DNAH14: variants seen among roughly 807,000 people sequenced by gnomAD.
The protein encoded by DNAH14 is axonemal beta dynein heavy chain 14.
DNAH14 carries 478 observed loss-of-function variants against 520.9 expected under a neutral mutation model. That is an observed-to-expected ratio of 0.92 (90% CI 0.85 to 0.99). The LOEUF (loss-of-function observed/expected upper bound fraction) is 0.99. DNAH14 is among the 50% of genes least tolerant of loss of function. DNAH14 has a pLI of 0.00. For synonymous variants in DNAH14, 1,581 were observed against 1,757.2 expected, an observed-to-expected ratio of 0.90 and a Z score of 2.51; for missense variants, 4,831 against 5,234.5, an observed-to-expected ratio of 0.92 and a Z score of 2.38.
At chr1:225,282,363 G>A (rs964147317) in intron 54 of DNAH14, among the ~76,000 whole-genome samples, 2 of 152,170 alleles carry the variant, frequency 1.3e-5, no homozygotes, top group East Asian at 1.9e-4. Context: ...CGCATTTTAA[G>A]GGAATCTTTA....
At chr1:225,004,816 C>T (rs1288867068) in intron 9 of DNAH14, among the ~76,000 whole-genome samples, 1 of 151,958 alleles carries the variant, frequency 6.6e-6, no homozygotes, top group Non-Finnish European at 1.5e-5. Context: ...AGACTGACAA[C>T]GAGGATGTAA....
At chr1:225,117,059 G>C (rs1023396863) in intron 23 of DNAH14, among the ~76,000 whole-genome samples, 2 of 152,062 alleles carry the variant, frequency 1.3e-5, no homozygotes, top group Non-Finnish European at 2.9e-5. Flanking sequence ...GCAAGGGAGA[G>C]ATTGAAGTTA....
intron 77 of DNAH14, among the ~76,000 whole-genome samples, chr1:225,372,291 G>T (rs1347350896): frequency 6.6e-6 from 1 of 152,112 alleles, no homozygotes; most frequent in Non-Finnish European, 1.5e-5. Context: ...GTACAAAAAA[G>T]AAAAATCCTG....
intron 37 of DNAH14, among the ~76,000 whole-genome samples, chr1:225,191,436 A>T (rs1408003509): frequency 1.3e-5 from 2 of 151,958 alleles, no homozygotes; most frequent in African/African-American, 4.8e-5. Flanking sequence ...ATGAGAATTG[A>T]CTTTTAATTT....
intron 17 of DNAH14, among the ~76,000 whole-genome samples, chr1:225,058,468 T>G (rs187832752): frequency 3.2e-4 from 48 of 152,334 alleles, no homozygotes; most frequent in Admixed American, 6.5e-4. Flanking sequence ...TTGTTGATCT[T>G]TTCAAAAAAC....
rs539787583 is a variant in DNAH14 at position 225,023,983 on chromosome 1, A to G, written c.1358+118A>G. ...AGTTTGAAAATTCTCCTTGTGGCAG[A>G]GTACATGTACTCATTTTTGCTATTA... On this transcript the variant is annotated intron_variant, in intron 11 of 85. Coordinates refer to ENST00000682510, the MANE Select transcript of DNAH14 (RefSeq NM_001367479.1). 1.5e-4 allele frequency: 213 copies of G among 1,433,198 alleles called. 1 individual carries two copies. The African/African-American group carries it at 2.7e-3, about 18-fold the overall frequency. 88.8% of individuals were successfully genotyped at this position (1,433,198 alleles called of 1,614,324 possible).
At position 225,101,188 on chromosome 1, in the gene DNAH14, A is replaced by G. The variant is rs912207859; in HGVS notation, c.3867+304A>G. Among the ~76,000 whole-genome samples, 3 of 151,780 alleles carry G rather than the reference A, an allele frequency of 2.0e-5. No homozygotes were observed. The East Asian group carries it at 5.8e-4, about 29-fold the overall frequency. On this transcript the variant is annotated intron_variant, in intron 23 of 85. Coordinates refer to ENST00000682510, the MANE Select transcript of DNAH14 (RefSeq NM_001367479.1). ...TTTAATATAAGAAATGACTTCTTTCAGGAGGTTAATACTTTTTTAAAATAT... is the reference window on the plus strand; with the variant it reads ...TTTAATATAAGAAATGACTTCTTTCGGGAGGTTAATACTTTTTTAAAATAT...
chr1:225,113,174 A>G (rs2076607544), intron 23 of DNAH14, among the ~76,000 whole-genome samples: 1 of 152,234 alleles, frequency 6.6e-6, no homozygotes, highest in Non-Finnish European at 1.5e-5. Flanking sequence ...GTTATTGCTC[A>G]CTGCAGCTGT....
At chr1:225,147,558 A>G (rs1227401448) in intron 31 of DNAH14, among the ~76,000 whole-genome samples, 1 of 152,142 alleles carries the variant, frequency 6.6e-6, no homozygotes, top group Non-Finnish European at 1.5e-5. Flanking sequence ...TTTCAGCTTA[A>G]ATTTTCATAT....
intron 41 of DNAH14, among the ~76,000 whole-genome samples, chr1:225,213,540 C>A (rs1574033453): frequency 6.6e-6 from 1 of 152,180 alleles, no homozygotes; most frequent in East Asian, 1.9e-4. Flanking sequence ...TTTCCATGAG[C>A]ATGAGATGTT....
intron 27 of DNAH14, among the ~76,000 whole-genome samples, chr1:225,132,979 G>C (rs2078585332): frequency 6.6e-6 from 1 of 152,078 alleles, no homozygotes; most frequent in African/African-American, 2.4e-5. Flanking sequence ...AATTAGTAAT[G>C]TTGAGGTTTT....
At chr1:224,994,713 C>CA (rs2063283265) in intron 8 of DNAH14, among the ~76,000 whole-genome samples, 1 of 151,940 alleles carries the variant, frequency 6.6e-6, no homozygotes, top group East Asian at 1.9e-4. Context: ...CTGTTTTGTT[C>CA]ATTGTTTTCT....
intron 1 of DNAH14, among the ~76,000 whole-genome samples, chr1:224,945,127 C>T (rs918203358): frequency 2.0e-5 from 3 of 152,196 alleles, no homozygotes; most frequent in African/African-American, 7.2e-5. Flanking sequence ...TTTTCAGGTA[C>T]ACCAATCAGA....
chr1:225,344,267 G>A (rs1225383521), intron 69 of DNAH14, among the ~76,000 whole-genome samples: 1 of 151,064 alleles, frequency 6.6e-6, no homozygotes, highest in Admixed American at 6.6e-5. Context: ...ACAAGTGCAG[G>A]TTTGTTACAT....
intron 10 of DNAH14, among the ~76,000 whole-genome samples, chr1:225,008,949 T>A (rs187024385): frequency 6.6e-6 from 1 of 152,364 alleles, no homozygotes. Context: ...TGCCCACTTT[T>A]TAATGGGGTT....
At chr1:225,342,024 A>G (rs909450703) in intron 69 of DNAH14, among the ~76,000 whole-genome samples, 5 of 152,186 alleles carry the variant, frequency 3.3e-5, no homozygotes, top group Non-Finnish European at 5.9e-5. Flanking sequence ...GAACTTCCGC[A>G]CATCGGGCCC....
chr1:225,007,264 A>G, intron 9 of DNAH14, 149 bp from the exon 10 acceptor site: 1 of 467,624 alleles, frequency 2.1e-6, no homozygotes, highest in East Asian at 5.9e-5. Context: ...AAGTGTTTAA[A>G]TTTGAAAAAC....
At chr1:225,082,197 T>TGTGTGTGTGTGTGTGTGTGTGC (rs374597749) in intron 19 of DNAH14, among the ~76,000 whole-genome samples, 1 of 151,692 alleles carries the variant, frequency 6.6e-6, no homozygotes, top group Non-Finnish European at 1.5e-5. Flanking sequence ...TGTGTGTGTG[T>TGTGTGTGTGTGTGTGTGTGTGC]GCACATGCGC....
chr1:224,930,143 G>GT (rs897478140), intron 1 of DNAH14, among the ~76,000 whole-genome samples: 2 of 152,168 alleles, frequency 1.3e-5, no homozygotes, highest in African/African-American at 4.8e-5. Flanking sequence ...TATTTCTGAA[G>GT]TTTTTTAAAA....
Sources: allele counts gnomAD v4.1 joint callset (sites outside exome capture counted in the v4.1 genomes callset), GRCh38; gene constraint gnomAD v4.1.1; transcripts MANE v1.5; gene names NCBI Gene and HGNC (gene_info 2026-07-23, HGNC 2026-07-21).